Variants in SORCS2 observed in about 807,000 individuals in gnomAD.
The protein encoded by SORCS2 is VPS10 domain-containing receptor SorCS2.
Under a neutral mutation model 141.6 loss-of-function variants are expected in SORCS2, and 100 were observed. The observed-to-expected ratio is 0.71, with a 90% CI of 0.60 to 0.83. SORCS2 has a LOEUF of 0.83. Ranked by LOEUF, SORCS2 falls within the 40% of genes least tolerant of loss-of-function variation. SORCS2 has a pLI of 0.00. For synonymous variants in SORCS2, 789 were observed against 676.9 expected (o/e 1.17, Z -2.57); for missense variants, 1,646 against 1,560.2 (o/e 1.05, Z -0.93).
chr4:7,414,649 C>T (rs1283308473), intron 2 of SORCS2, among the ~76,000 whole-genome samples: 1 of 152,038 alleles, frequency 6.6e-6, no homozygotes, highest in African/African-American at 2.4e-5. Flanking sequence ...TAAAAACATG[C>T]AAGAATCAAA....
At chr4:7,596,804 C>G (rs1268394282) in intron 3 of SORCS2, among the ~76,000 whole-genome samples, 1 of 151,998 alleles carries the variant, frequency 6.6e-6, no homozygotes, top group Non-Finnish European at 1.5e-5. Flanking sequence ...GGAAATGGAG[C>G]CTAGGAGGGG....
At chr4:7,697,543 A>T (rs1724790233) in intron 12 of SORCS2, among the ~76,000 whole-genome samples, 2 of 152,348 alleles carry the variant, frequency 1.3e-5, no homozygotes, top group South Asian at 4.1e-4. Flanking sequence ...AGATGCAAGA[A>T]ACGTCTCCAC....
At chr4:7,452,663 C>A (rs146370215) in intron 2 of SORCS2, among the ~76,000 whole-genome samples, 6 of 152,356 alleles carry the variant, frequency 3.9e-5, no homozygotes, top group African/African-American at 1.4e-4. Flanking sequence ...ACATGCCCAG[C>A]AGCTGGCTTA....
chr4:7,400,471 C>G (rs1724503656), intron 2 of SORCS2, among the ~76,000 whole-genome samples: 1 of 110,590 alleles, frequency 9.0e-6, no homozygotes, highest in East Asian at 2.0e-4. Flanking sequence ...CCCACCACCA[C>G]CACCACCACC....
At chr4:7,440,304 G>T (rs367968148) in intron 2 of SORCS2, among the ~76,000 whole-genome samples, 1 of 152,180 alleles carries the variant, frequency 6.6e-6, no homozygotes, top group African/African-American at 2.4e-5. Context: ...TAATTGTTCT[G>T]GGGGGACAGA....
rs757234955 is a variant in SORCS2, at chr4:7,664,432, C to A, written c.1032C>A (p.His344Gln). 1.2e-6 allele frequency: 2 copies of A among 1,613,804 alleles called. No individual in the cohort carries two copies. Among genetic ancestry groups the A allele is most frequent in the African/African-American group, 2.7e-5 (2 of 74,914 alleles). ...LTAPFAGPID[H>Q]GSLTVQDDYI... ...CCCCATTCGCAGGCCCCATTGACCA[C>A]GGGTCTCTGACCGTGCAGGACGATT... The change falls in exon 7 of 27, where the codon CAC becomes CAA. Residue 344 changes from histidine (H) to glutamine (Q), a missense_variant. Physicochemically the swap from His to Gln is conservative, Grantham distance 24. Coordinates refer to ENST00000507866, the MANE Select transcript of SORCS2 (RefSeq NM_020777.3). This position sits in a 1 kb window ranked among gnomAD's most constrained non-coding sequence, Gnocchi z 4.7.
intron 1 of SORCS2, among the ~76,000 whole-genome samples, chr4:7,371,959 G>A (rs80094136): frequency 6.6e-6 from 1 of 152,224 alleles, no homozygotes; most frequent in African/African-American, 2.4e-5. Flanking sequence ...GGGGCCGGTG[G>A]GGGAGTGAGG....
At chr4:7,197,164 TC>T (rs1186511697) in intron 1 of SORCS2, among the ~76,000 whole-genome samples, 3 of 152,220 alleles carry the variant, frequency 2.0e-5, no homozygotes, top group Non-Finnish European at 4.4e-5. Context: ...CACATGGTCT[TC>T]CCTCTGTGTG....
At chr4:7,297,024 G>A (rs1275780805) in intron 1 of SORCS2, among the ~76,000 whole-genome samples, 1 of 152,164 alleles carries the variant, frequency 6.6e-6, no homozygotes, top group Non-Finnish European at 1.5e-5. Context: ...CCGAACACCT[G>A]GGACAGCCAT....
At chr4:7,672,681 G>A (rs1722867399) in intron 8 of SORCS2, among the ~76,000 whole-genome samples, 1 of 152,104 alleles carries the variant, frequency 6.6e-6, no homozygotes, top group Admixed American at 6.5e-5. Flanking sequence ...AGGAGGTATT[G>A]TTGAAAGTCC....
At chr4:7,642,293 C>A (rs920778087) in intron 4 of SORCS2, among the ~76,000 whole-genome samples, 1 of 152,230 alleles carries the variant, frequency 6.6e-6, no homozygotes, top group African/African-American at 2.4e-5. Flanking sequence ...ATTAATAGCA[C>A]TACTTAGCCT....
intron 2 of SORCS2, among the ~76,000 whole-genome samples, chr4:7,469,502 G>A (rs1177567954): frequency 3.3e-5 from 5 of 152,232 alleles, no homozygotes; most frequent in Admixed American, 3.3e-4. Flanking sequence ...TGATGTATCA[G>A]AACCTCCAAA....
chr4:7,197,829 T>A (rs1577264886), intron 1 of SORCS2, among the ~76,000 whole-genome samples: 1 of 152,096 alleles, frequency 6.6e-6, no homozygotes, highest in Non-Finnish European at 1.5e-5. Flanking sequence ...CCTGCCCGGG[T>A]CTGTATCCTG....
chr4:7,369,309 T>C (rs1722103637), intron 1 of SORCS2, among the ~76,000 whole-genome samples: 1 of 152,182 alleles, frequency 6.6e-6, no homozygotes, highest in African/African-American at 2.4e-5. Context: ...AGACTCTGTC[T>C]GAAAACCAAA....
rs754906912 is a variant in SORCS2 at position 7,704,243 on chromosome 4, C to T, written c.1827C>T (p.Asp609=). The T allele has an allele frequency of 1.4e-5, 22 of 1,612,724 alleles. No individual in the cohort carries two copies. In the South Asian group the frequency reaches 2.0e-4, roughly 15 times the overall value. The change falls in exon 14 of 27, where the codon GAC becomes GAT. Residue 609 remains aspartate (D), a synonymous_variant. Coordinates refer to ENST00000507866, the MANE Select transcript of SORCS2 (RefSeq NM_020777.3). The part of the protein sequence containing the change: ...HNFTSTSVFV[D]GLLSEPGDET... ...TCACCAGCACCTCGGTGTTTGTGGA[C>T]GGGCTGCTGAGTGAGCCAGGGGACG...
Position 7,193,166 on chromosome 4 carries a change from G to A in SORCS2, c.480+40G>A. ...CGCGCTCGCCGCGGCCCCTACCCGG[G>A]ACACCGCGGGACACCCGGGCGGGAC... On this transcript the variant is annotated intron_variant, in intron 1 of 26. Transcript: ENST00000507866. The surrounding 1 kb of genome is among the most constrained non-coding windows in gnomAD (Gnocchi z 4.8). 2 of 1,447,996 alleles carry A rather than the reference G, an allele frequency of 1.4e-6. No individual in the cohort carries two copies. The highest frequency in any genetic ancestry group is 1.8e-6 in the Non-Finnish European group (2 of 1,105,088). 89.7% of individuals were successfully genotyped at this position (1,447,996 alleles called of 1,614,324 possible). A position where few individuals can be genotyped will look rare whatever the true frequency, so the allele number is the denominator to read the frequency against.
chr4:7,588,338 G>A (rs923607454), intron 3 of SORCS2, among the ~76,000 whole-genome samples: 1 of 152,198 alleles, frequency 6.6e-6, no homozygotes, highest in African/African-American at 2.4e-5. Context: ...TTTTGTTTCG[G>A]ATGAGGAGGA....
At chr4:7,720,620 G>T (rs1485489447) in intron 18 of SORCS2, among the ~76,000 whole-genome samples, 1 of 152,186 alleles carries the variant, frequency 6.6e-6, no homozygotes, top group Non-Finnish European at 1.5e-5. Flanking sequence ...ACAAGGACCA[G>T]TACCTAGACT....
chr4:7,675,481 C>T (rs1260169032), intron 8 of SORCS2, among the ~76,000 whole-genome samples: 3 of 152,226 alleles, frequency 2.0e-5, no homozygotes, highest in African/African-American at 7.2e-5. Context: ...TGGATGAATC[C>T]ACGGTGCCTC....
Sources: gnomAD v4.1 joint callset for allele counts (sites outside exome capture counted in the v4.1 genomes callset) on GRCh38, gnomAD v4.1.1 for gene constraint, Gnocchi (gnomAD v3.1) non-coding constraint, MANE v1.5 for transcripts, NCBI Gene and HGNC (gene_info 2026-07-23, HGNC 2026-07-21) for gene names.